SLC25A21: variants seen among roughly 807,000 people sequenced by gnomAD.
SLC25A21 encodes solute carrier family 25 member 21.
SLC25A21 carries 47 observed loss-of-function variants against 43.8 expected under a neutral mutation model. The ratio of observed to expected loss-of-function variants is 1.07; its 90% CI spans 0.85 to 1.37. The LOEUF (loss-of-function observed/expected upper bound fraction) is 1.37, where lower values mean the gene tolerates loss of function less well. Among genes scored for constraint, SLC25A21 ranks in the 40% most tolerant of loss-of-function variants. SLC25A21 has a pLI of 0.00. For missense variants in SLC25A21, 352 were observed against 350.2 expected (o/e 1.00, Z -0.04); for synonymous variants, 131 against 121.3 (o/e 1.08, Z -0.52).
intron 3 of SLC25A21, among the ~76,000 whole-genome samples, chr14:36,770,534 TATAAA>T (rs1886582038): frequency 6.6e-6 from 1 of 152,110 alleles, no homozygotes; most frequent in African/African-American, 2.4e-5. Context: ...AAGTTGAAAT[TATAAA>T]AGAAAAATAA....
intron 3 of SLC25A21, among the ~76,000 whole-genome samples, chr14:36,755,905 C>T (rs1323606564): frequency 2.6e-5 from 4 of 152,162 alleles, no homozygotes; most frequent in African/African-American, 7.2e-5. Context: ...GGCTGGGACT[C>T]AGCACATAAA....
intron 1 of SLC25A21, among the ~76,000 whole-genome samples, chr14:36,971,364 C>G (rs1462829826): frequency 6.6e-6 from 1 of 152,182 alleles, no homozygotes; most frequent in Non-Finnish European, 1.5e-5. Flanking sequence ...CAGGCATGTT[C>G]TAACTGGTGG....
At chr14:37,136,560 G>A (rs1963482953) in intron 1 of SLC25A21, among the ~76,000 whole-genome samples, 1 of 152,044 alleles carries the variant, frequency 6.6e-6, no homozygotes, top group Non-Finnish European at 1.5e-5. Context: ...TCACCCAAAT[G>A]ACTTGGAAAC....
At chr14:36,956,656 G>A (rs1644661278) in intron 1 of SLC25A21, among the ~76,000 whole-genome samples, 1 of 151,936 alleles carries the variant, frequency 6.6e-6, no homozygotes, top group South Asian at 2.1e-4. Context: ...TAGATACATG[G>A]AACTTCAAAC....
chr14:37,164,748 T>C (rs901610506), intron 1 of SLC25A21, among the ~76,000 whole-genome samples: 1 of 152,176 alleles, frequency 6.6e-6, no homozygotes, highest in East Asian at 1.9e-4. Context: ...CTATATCTTT[T>C]TATTAGCCTT....
At chr14:36,864,005 A>G (rs1890144152) in intron 2 of SLC25A21, among the ~76,000 whole-genome samples, 1 of 152,228 alleles carries the variant, frequency 6.6e-6, no homozygotes, top group Non-Finnish European at 1.5e-5. Flanking sequence ...CAAAAATCTC[A>G]GAAGTAATAC....
At chr14:37,082,474 G>A (rs558102274) in intron 1 of SLC25A21, among the ~76,000 whole-genome samples, 1 of 152,200 alleles carries the variant, frequency 6.6e-6, no homozygotes, top group Admixed American at 6.5e-5. Flanking sequence ...AGAGAGAGTG[G>A]GCTTTACAGG....
chr14:36,760,331 AGAAGGAAGGAAGGAAGGAAG>A (rs57996006), intron 3 of SLC25A21, among the ~76,000 whole-genome samples: 278 of 136,752 alleles, frequency 2.0e-3, no homozygotes, highest in South Asian at 4.3e-3. Context: ...GCAGCTAGGC[AGAAGGAAGGAAGGAAGGAAG>A]GAAGGAAGGA....
At chr14:36,716,533 T>C (rs553681711) in intron 6 of SLC25A21, among the ~76,000 whole-genome samples, 1 of 152,250 alleles carries the variant, frequency 6.6e-6, no homozygotes, top group East Asian at 1.9e-4. Flanking sequence ...ATATATCTAA[T>C]AAAATATATT....
chr14:36,744,161 C>T (rs994224235), intron 3 of SLC25A21, among the ~76,000 whole-genome samples: 3 of 152,078 alleles, frequency 2.0e-5, no homozygotes, highest in African/African-American at 7.2e-5. Flanking sequence ...TTACCAATAT[C>T]ATTCCTCACA....
intron 1 of SLC25A21, among the ~76,000 whole-genome samples, chr14:36,894,314 G>A (rs1157885657): frequency 6.6e-6 from 1 of 152,154 alleles, no homozygotes; most frequent in South Asian, 2.1e-4. Context: ...GTGAATGGGA[G>A]TTCACTCATG....
At chr14:36,982,135 A>G (rs1042913858) in intron 1 of SLC25A21, among the ~76,000 whole-genome samples, 2 of 150,474 alleles carry the variant, frequency 1.3e-5, no homozygotes, top group Non-Finnish European at 2.9e-5. Context: ...CTCATTATTT[A>G]CAAGTAAAAG....
chr14:36,939,241 T>C (rs918720163), intron 1 of SLC25A21, among the ~76,000 whole-genome samples: 2 of 152,044 alleles, frequency 1.3e-5, no homozygotes, highest in African/African-American at 2.4e-5. Context: ...CTTATTTCTG[T>C]ATTCTAAAAA....
At chr14:37,145,934 G>C (rs570639965) in intron 1 of SLC25A21, among the ~76,000 whole-genome samples, 3 of 152,014 alleles carry the variant, frequency 2.0e-5, no homozygotes, top group Non-Finnish European at 4.4e-5. Context: ...CAGCTATCAG[G>C]AATAAAATGG....
intron 1 of SLC25A21, among the ~76,000 whole-genome samples, chr14:36,883,851 A>G (rs1890833602): frequency 6.6e-6 from 1 of 152,168 alleles, no homozygotes; most frequent in Admixed American, 6.6e-5. Flanking sequence ...AATGACAAAT[A>G]ATAATTTTAT....
At chr14:36,823,696 A>G (rs80173881) in intron 2 of SLC25A21, among the ~76,000 whole-genome samples, 13,056 of 152,244 alleles carry the variant, frequency 0.086, 774 homozygotes, top group East Asian at 0.31. Context: ...CAAGACAAGT[A>G]TCGTAGTTTT....
At chr14:36,707,834 A>G (rs1883645866) in intron 7 of SLC25A21, among the ~76,000 whole-genome samples, 2 of 152,244 alleles carry the variant, frequency 1.3e-5, no homozygotes, top group South Asian at 2.1e-4. Flanking sequence ...CACTTTTTAA[A>G]ATAATGAAAG....
intron 1 of SLC25A21, among the ~76,000 whole-genome samples, chr14:37,083,053 A>G (rs1962418603): frequency 6.6e-6 from 1 of 152,220 alleles, no homozygotes; most frequent in Non-Finnish European, 1.5e-5. Context: ...TTCAAGTTTA[A>G]ATCTATCCTA....
intron 1 of SLC25A21, among the ~76,000 whole-genome samples, chr14:37,103,623 T>C (rs548365553): frequency 2.0e-5 from 3 of 152,326 alleles, no homozygotes; most frequent in African/African-American, 7.2e-5. Flanking sequence ...TCTTCCAAGA[T>C]CCATGTTCTT....
Sources: gnomAD v4.1 joint callset for allele counts (sites outside exome capture counted in the v4.1 genomes callset) on GRCh38, gnomAD v4.1.1 for gene constraint, MANE v1.5 for transcripts, NCBI Gene and HGNC (gene_info 2026-07-23, HGNC 2026-07-21) for gene names.